Variants in HDAC9 observed in about 807,000 individuals in gnomAD.
The protein encoded by HDAC9 is histone deacetylase 9.
Under a neutral mutation model 139.4 loss-of-function variants are expected in HDAC9, and 41 were observed. The observed-to-expected ratio is 0.29, with a 90% CI of 0.23 to 0.38. The LOEUF is 0.38. Among genes scored for constraint, HDAC9 ranks in the 10% least tolerant of loss-of-function variants. The pLI is 1.00. For missense variants in HDAC9, 1,147 were observed against 1,297.0 expected (o/e 0.88, Z 1.78); for synonymous variants, 517 against 476.2 (o/e 1.09, Z -1.12).
intron 2 of HDAC9, among the ~76,000 whole-genome samples, chr7:18,278,185 A>G (rs1483947436): frequency 6.6e-6 from 1 of 152,188 alleles, no homozygotes; most frequent in East Asian, 1.9e-4. Flanking sequence ...CACTCCTTTC[A>G]GTTGCAGGAA....
At chr7:18,586,774 CA>C (rs1438038551) in intron 3 of HDAC9, among the ~76,000 whole-genome samples, 1 of 152,028 alleles carries the variant, frequency 6.6e-6, no homozygotes, top group African/African-American at 2.4e-5. Context: ...TATTGATGTA[CA>C]AAATACCTTA....
At chr7:18,775,915 T>C (rs1308600009) in intron 16 of HDAC9, among the ~76,000 whole-genome samples, 1 of 152,034 alleles carries the variant, frequency 6.6e-6, no homozygotes, top group African/African-American at 2.4e-5. Flanking sequence ...TCAGCTTTCT[T>C]TGATGGGGGC....
At chr7:18,492,095 G>A (rs532432273), upstream of HDAC9, among the ~76,000 whole-genome samples, 1 of 151,990 alleles carries the variant, frequency 6.6e-6, no homozygotes, top group Non-Finnish European at 1.5e-5. Flanking sequence ...TCCTGCATAC[G>A]ACCAAAAACT....
intron 1 of HDAC9, among the ~76,000 whole-genome samples, chr7:18,097,874 T>G (rs1401419425): frequency 6.6e-6 from 1 of 152,204 alleles, no homozygotes; most frequent in African/African-American, 2.4e-5. Context: ...TATATTATCA[T>G]TGTTAATACC....
intron 16 of HDAC9, among the ~76,000 whole-genome samples, chr7:18,770,666 A>G (rs1187015312): frequency 6.6e-6 from 1 of 152,160 alleles, no homozygotes; most frequent in African/African-American, 2.4e-5. Flanking sequence ...TCGACCCATA[A>G]TTCCCCTGAT....
chr7:18,727,080 A>G (rs1321700938), intron 12 of HDAC9, among the ~76,000 whole-genome samples: 4 of 152,282 alleles, frequency 2.6e-5, no homozygotes, highest in Admixed American at 6.5e-5. Flanking sequence ...GTGTCAAAAT[A>G]TAATTGTGTA....
intron 7 of HDAC9, among the ~76,000 whole-genome samples, 196 bp from the exon 8 acceptor site, chr7:18,634,431 C>T (rs1783273932): frequency 6.6e-6 from 1 of 151,512 alleles, no homozygotes; most frequent in African/African-American, 2.4e-5. Context: ...TATGTTTTGC[C>T]ATGAAAACAA....
chr7:18,377,165 C>T (rs1785056295), intron 1 of HDAC9, among the ~76,000 whole-genome samples: 1 of 151,996 alleles, frequency 6.6e-6, no homozygotes, highest in Admixed American at 6.6e-5. Context: ...AGCCTGCTTC[C>T]TGATTCATAG....
At chr7:18,394,996 T>C (rs895475212) in intron 1 of HDAC9, 8 of 152,224 alleles carry the variant, frequency 5.3e-5, no homozygotes, top group Non-Finnish European at 1.0e-4. Flanking sequence ...AATAGTATTC[T>C]GACTCAATAT....
rs576102299 is a variant in HDAC9, at chr7:18,982,384, G to A, written c.3170+6431G>A. Among the ~76,000 whole-genome samples, 5 of 151,832 alleles carry A rather than the reference G, an allele frequency of 3.3e-5. No individual in the cohort carries two copies. The South Asian group carries it at 8.3e-4, about 25-fold the overall frequency. ...ACATAAAGATCATCATCTTCAATAG[G>A]CTCCATAAGGTCTGTATTAGTAGAC... On this transcript the variant is annotated intron_variant, in intron 25 of 25. Coordinates refer to ENST00000686413, the MANE Select transcript of HDAC9 (RefSeq NM_178425.4).
chr7:18,241,124 G>A (rs1794160422), intron 2 of HDAC9, among the ~76,000 whole-genome samples: 2 of 152,156 alleles, frequency 1.3e-5, no homozygotes. Context: ...GGGGACCCCA[G>A]CTAAAATTTG....
chr7:18,861,474 A>G (rs1216953273), intron 21 of HDAC9, among the ~76,000 whole-genome samples: 1 of 152,152 alleles, frequency 6.6e-6, no homozygotes, highest in Non-Finnish European at 1.5e-5. Flanking sequence ...GCTTGCGTAT[A>G]GGATTTTGCC....
intron 1 of HDAC9, among the ~76,000 whole-genome samples, chr7:18,427,978 A>G (rs1472806938): frequency 6.6e-6 from 1 of 152,148 alleles, no homozygotes; most frequent in African/African-American, 2.4e-5. Flanking sequence ...AAGTGGAATC[A>G]TGCAGTATGT....
At position 18,797,391 on chromosome 7, in the gene HDAC9, C is replaced by T. The variant is rs1386019783; in HGVS notation, c.2322+3939C>T. On this transcript the variant is annotated intron_variant, in intron 17 of 25. Transcript: ENST00000686413. ...AAAAGACAAGAAGTTACATTCTTAC[C>T]TAACAAAATATAATAATAAAATAAA... Among the ~76,000 whole-genome samples, 3 of 152,058 alleles carry T rather than the reference C, an allele frequency of 2.0e-5. No individual in the cohort carries two copies. The East Asian group carries it at 5.8e-4, about 29-fold the overall frequency.
chr7:18,576,472 G>A (rs983102588), intron 2 of HDAC9, among the ~76,000 whole-genome samples: 2 of 151,916 alleles, frequency 1.3e-5, no homozygotes, highest in Non-Finnish European at 2.9e-5. Context: ...AACCAGCTTG[G>A]CAAATGTAGT....
upstream of HDAC9, among the ~76,000 whole-genome samples, chr7:18,289,200 A>G (rs646755): frequency 0.1 from 15,588 of 152,182 alleles, 1,714 homozygotes; most frequent in African/African-American, 0.28. Context: ...TTGTTCTTCA[A>G]GAGAAACTAT....
intron 23 of HDAC9, among the ~76,000 whole-genome samples, chr7:18,942,619 G>A (rs1782099729): frequency 6.6e-6 from 1 of 151,990 alleles, no homozygotes; most frequent in Admixed American, 6.6e-5. Flanking sequence ...ATAACTATTA[G>A]CAATTTTCCC....
intron 17 of HDAC9, among the ~76,000 whole-genome samples, chr7:18,810,120 T>C (rs1337772968): frequency 6.6e-6 from 1 of 151,886 alleles, no homozygotes; most frequent in Non-Finnish European, 1.5e-5. Flanking sequence ...TCCAGACACT[T>C]ACATGTGGGT....
At chr7:18,763,839 T>C (rs1309210657) in intron 15 of HDAC9, among the ~76,000 whole-genome samples, 1 of 152,140 alleles carries the variant, frequency 6.6e-6, no homozygotes, top group Non-Finnish European at 1.5e-5. Context: ...TAAAAATCTC[T>C]GGTCCTAAAG....
Sources: allele counts gnomAD v4.1 joint callset (sites outside exome capture counted in the v4.1 genomes callset), GRCh38; gene constraint gnomAD v4.1.1; transcripts MANE v1.5; gene names NCBI Gene and HGNC (gene_info 2026-07-23, HGNC 2026-07-21).